Variants in NDUFAF2 observed in about 807,000 individuals in gnomAD.
NDUFAF2 encodes NADH dehydrogenase [ubiquinone] 1 alpha subcomplex assembly factor 2.
Under a neutral mutation model 22.8 loss-of-function variants are expected in NDUFAF2, and 13 were observed. The observed-to-expected ratio is 0.57, with a 90% CI of 0.37 to 0.91. NDUFAF2 has a LOEUF of 0.91. NDUFAF2 is among the 40% of genes least tolerant of loss of function. The pLI is 0.01. For synonymous variants in NDUFAF2, 53 were observed against 64.2 expected (o/e 0.83, Z 0.84); for missense variants, 162 against 195.2 (o/e 0.83, Z 1.01).
At chr5:61,086,631 G>GGA (rs2111749710) in intron 2 of NDUFAF2, among the ~76,000 whole-genome samples, 1 of 152,000 alleles carries the variant, frequency 6.6e-6, no homozygotes, top group East Asian at 1.9e-4. Context: ...AATTTAACTT[G>GGA]GGATTTATCA....
In NDUFAF2 at chr5:61,049,130, T is replaced by C. The variant is rs539322591; in HGVS notation, c.128-23995T>C. ...ATTTTAAGGATCAATTATATCCTTGTGGATAACAGCTGGTAATTATATACT... is the reference window on the plus strand; with the variant it reads ...ATTTTAAGGATCAATTATATCCTTGCGGATAACAGCTGGTAATTATATACT... On this transcript the variant is annotated intron_variant, in intron 1 of 3. Coordinates refer to ENST00000296597, the MANE Select transcript of NDUFAF2 (RefSeq NM_174889.5). 1.4e-4 allele frequency among the ~76,000 whole-genome samples: 22 copies of C among 152,288 alleles called. No homozygotes were observed. The South Asian group carries it at 3.9e-3, about 27-fold the overall frequency.
At chr5:61,071,791 T>G (rs1430203163) in intron 1 of NDUFAF2, among the ~76,000 whole-genome samples, 1 of 152,140 alleles carries the variant, frequency 6.6e-6, no homozygotes, top group African/African-American at 2.4e-5. Context: ...GGCACACTTG[T>G]TAAATAGTAG....
intron 1 of NDUFAF2, among the ~76,000 whole-genome samples, chr5:61,026,169 A>G (rs1198944584): frequency 1.3e-5 from 2 of 152,088 alleles, no homozygotes; most frequent in African/African-American, 4.8e-5. Flanking sequence ...CAGCATGAAG[A>G]TGGACGTCTC....
At chr5:61,023,929 A>G (rs1751618478) in intron 1 of NDUFAF2, among the ~76,000 whole-genome samples, 1 of 152,182 alleles carries the variant, frequency 6.6e-6, no homozygotes, top group Non-Finnish European at 1.5e-5. Context: ...TAGCCCTTAA[A>G]GCCTAGAGCT....
intron 1 of NDUFAF2, among the ~76,000 whole-genome samples, chr5:60,963,627 G>T (rs1162262070): frequency 6.6e-6 from 1 of 152,156 alleles, no homozygotes; most frequent in African/African-American, 2.4e-5. Flanking sequence ...TGTAGGCCAG[G>T]CACAGTTCTA....
At chr5:61,046,114 A>G (rs1304031594) in intron 1 of NDUFAF2, among the ~76,000 whole-genome samples, 1 of 152,094 alleles carries the variant, frequency 6.6e-6, no homozygotes, top group African/African-American at 2.4e-5. Flanking sequence ...GGAGTATCAC[A>G]TTTATTGATT....
chr5:61,113,231 A>G (rs550264307), intron 3 of NDUFAF2, among the ~76,000 whole-genome samples: 31 of 152,220 alleles, frequency 2.0e-4, no homozygotes, highest in African/African-American at 7.2e-4. Context: ...TATTCTGTTT[A>G]TTTACTATTA....
chr5:61,106,444 G>C (rs548475410), intron 3 of NDUFAF2, among the ~76,000 whole-genome samples: 5 of 151,102 alleles, frequency 3.3e-5, no homozygotes, highest in African/African-American at 1.2e-4. Flanking sequence ...TACTTAGAAG[G>C]TTCTTGAGAT....
At chr5:61,024,474 G>GATA (rs1230796033) in intron 1 of NDUFAF2, among the ~76,000 whole-genome samples, 7 of 151,842 alleles carry the variant, frequency 4.6e-5, no homozygotes, top group Admixed American at 6.6e-5. Context: ...GTTATAAAAT[G>GATA]ATAATAATAA....
chr5:61,016,336 A>G (rs1751511141), intron 1 of NDUFAF2, among the ~76,000 whole-genome samples: 2 of 152,176 alleles, frequency 1.3e-5, no homozygotes, highest in Admixed American at 1.3e-4. Context: ...ATAAGATGAA[A>G]AAGCAAAAGA....
intron 1 of NDUFAF2, among the ~76,000 whole-genome samples, chr5:61,001,526 C>T (rs540333545): frequency 1.2e-3 from 182 of 152,104 alleles, no homozygotes; most frequent in African/African-American, 4.2e-3. Flanking sequence ...TTCTAATAGT[C>T]GAGACATACA....
At chr5:61,087,540 T>C (rs562405232) in intron 2 of NDUFAF2, among the ~76,000 whole-genome samples, 3 of 152,312 alleles carry the variant, frequency 2.0e-5, no homozygotes, top group African/African-American at 7.2e-5. Flanking sequence ...CCTGAAACTT[T>C]CATATATTTC....
At chr5:61,015,700 G>T (rs1456900479) in intron 1 of NDUFAF2, among the ~76,000 whole-genome samples, 2 of 152,090 alleles carry the variant, frequency 1.3e-5, no homozygotes, top group Non-Finnish European at 2.9e-5. Flanking sequence ...AGAAAATTCT[G>T]CATGTCAGAA....
chr5:60,973,708 A>G (rs993046727), intron 1 of NDUFAF2, among the ~76,000 whole-genome samples: 1 of 152,182 alleles, frequency 6.6e-6, no homozygotes, highest in Non-Finnish European at 1.5e-5. Flanking sequence ...TGATCTTTCT[A>G]GGTGTTAAAT....
intron 3 of NDUFAF2, among the ~76,000 whole-genome samples, chr5:61,132,557 A>G (rs1402240953): frequency 1.3e-5 from 2 of 152,162 alleles, no homozygotes; most frequent in Non-Finnish European, 2.9e-5. Context: ...TTGTACTTAC[A>G]CCTGATGGCC....
intron 3 of NDUFAF2, among the ~76,000 whole-genome samples, chr5:61,123,304 C>T (rs962756199): frequency 3.9e-5 from 6 of 152,100 alleles, no homozygotes; most frequent in East Asian, 1.9e-4. Context: ...TAGGTCATTT[C>T]GTCGTCGTGC....
chr5:61,056,200 G>A (rs996288628), intron 1 of NDUFAF2, among the ~76,000 whole-genome samples: 23 of 152,046 alleles, frequency 1.5e-4, no homozygotes, highest in African/African-American at 2.2e-4. Flanking sequence ...TCCAGGCATG[G>A]GCTATCAGTA....
intron 1 of NDUFAF2, among the ~76,000 whole-genome samples, chr5:60,992,182 A>G (rs978911453): frequency 1.3e-5 from 2 of 152,168 alleles, no homozygotes; most frequent in Non-Finnish European, 2.9e-5. Flanking sequence ...CTCTTCATAT[A>G]TACTCTGGTT....
intron 1 of NDUFAF2, among the ~76,000 whole-genome samples, chr5:60,973,043 G>T (rs555940842): frequency 6.6e-6 from 1 of 150,612 alleles, no homozygotes; most frequent in Admixed American, 6.6e-5. Flanking sequence ...TTGCATTTTT[G>T]ACTTCTTTTA....
Sources: allele counts gnomAD v4.1 joint callset (sites outside exome capture counted in the v4.1 genomes callset), GRCh38; gene constraint gnomAD v4.1.1; transcripts MANE v1.5; gene names NCBI Gene and HGNC (gene_info 2026-07-23, HGNC 2026-07-21).